Variants in HEMK2 observed in about 807,000 individuals in gnomAD.
HEMK2 encodes HemK methyltransferase 2, ETF1 glutamine and histone H4 lysine.
the HEMK2 span, among the ~76,000 whole-genome samples, chr21:28,697,638 A>G: frequency 6.6e-6 from 1 of 152,110 alleles, no homozygotes; most frequent in South Asian, 2.1e-4. Context: ...AGAAGCTGCC[A>G]CCTTCTTTCT....
At chr21:28,636,613 C>T in the HEMK2 span, among the ~76,000 whole-genome samples, 1 of 152,248 alleles carries the variant, frequency 6.6e-6, no homozygotes, top group East Asian at 1.9e-4. Flanking sequence ...CAAGTGAAAC[C>T]TGCCCAAGTT....
the HEMK2 span, among the ~76,000 whole-genome samples, chr21:28,831,455 A>AAAG: frequency 0.043 from 2,446 of 56,506 alleles, 296 homozygotes; most frequent in African/African-American, 0.073. Flanking sequence ...AAAAAGAAAG[A>AAAG]AAAGAACGAA....
the HEMK2 span, among the ~76,000 whole-genome samples, chr21:28,863,286 G>A: frequency 1.3e-5 from 2 of 151,170 alleles, no homozygotes; most frequent in African/African-American, 2.4e-5. Context: ...CTTCCTGCCC[G>A]TGAACGCGGG....
At chr21:28,871,495 G>C in the HEMK2 span, among the ~76,000 whole-genome samples, 1 of 152,100 alleles carries the variant, frequency 6.6e-6, no homozygotes, top group South Asian at 2.1e-4. Flanking sequence ...CAATACTAGG[G>C]GATTAAAATT....
chr21:28,814,143 A>G, the HEMK2 span, among the ~76,000 whole-genome samples: 1 of 152,158 alleles, frequency 6.6e-6, no homozygotes, highest in Non-Finnish European at 1.5e-5. Context: ...AGGCTGAGGC[A>G]GGAGAATATC....
At chr21:28,725,389 A>T in the HEMK2 span, among the ~76,000 whole-genome samples, 33 of 152,186 alleles carry the variant, frequency 2.2e-4, no homozygotes, top group Non-Finnish European at 5.9e-5. Context: ...AGAAAGTGAG[A>T]CTAGGAAGGG....
At chr21:28,659,570 A>G in the HEMK2 span, among the ~76,000 whole-genome samples, 65 of 152,196 alleles carry the variant, frequency 4.3e-4, no homozygotes, top group Non-Finnish European at 7.8e-4. Flanking sequence ...ATTCCCTTCC[A>G]TATTCATATA....
At chr21:28,724,045 G>A in the HEMK2 span, among the ~76,000 whole-genome samples, 1 of 152,212 alleles carries the variant, frequency 6.6e-6, no homozygotes, top group Non-Finnish European at 1.5e-5. Context: ...GAAGAAGTGA[G>A]GACAATACTT....
the HEMK2 span, among the ~76,000 whole-genome samples, chr21:28,673,655 G>T: frequency 8.0e-6 from 1 of 124,224 alleles, no homozygotes. Flanking sequence ...GGTAGTGTCA[G>T]ATTTAAATCT....
the HEMK2 span, among the ~76,000 whole-genome samples, chr21:28,584,075 C>A: frequency 1.3e-5 from 2 of 152,132 alleles, no homozygotes; most frequent in Non-Finnish European, 2.9e-5. Flanking sequence ...CAGTCCTAAC[C>A]TGTACTGAAA....
the HEMK2 span, among the ~76,000 whole-genome samples, chr21:28,775,579 G>A: frequency 6.6e-6 from 1 of 152,146 alleles, no homozygotes; most frequent in Non-Finnish European, 1.5e-5. Flanking sequence ...CTATCCAAGT[G>A]TCAGAAGAAA....
the HEMK2 span, among the ~76,000 whole-genome samples, chr21:28,876,892 G>A: frequency 1.3e-5 from 2 of 151,138 alleles, no homozygotes; most frequent in African/African-American, 4.9e-5. Flanking sequence ...CACAGTGAGA[G>A]TGAAAGAAGT....
the HEMK2 span, among the ~76,000 whole-genome samples, chr21:28,623,890 GGGTTGAT>G: frequency 6.6e-6 from 1 of 152,026 alleles, no homozygotes; most frequent in African/African-American, 2.4e-5. Context: ...TGTATATGAC[GGGTTGAT>G]GGTGCAGCAA....
At chr21:28,588,779 C>A in the HEMK2 span, among the ~76,000 whole-genome samples, 9 of 151,882 alleles carry the variant, frequency 5.9e-5, no homozygotes, top group South Asian at 4.2e-4. Flanking sequence ...GTCAGGAGAT[C>A]GAGACCATCC....
chr21:28,803,200 G>A, the HEMK2 span, among the ~76,000 whole-genome samples: 10 of 152,160 alleles, frequency 6.6e-5, no homozygotes, highest in South Asian at 2.1e-4. Flanking sequence ...CATTTCCCTC[G>A]ATTTCACATA....
At chr21:28,582,656 TGAGAG>T in the HEMK2 span, among the ~76,000 whole-genome samples, 2 of 152,254 alleles carry the variant, frequency 1.3e-5, no homozygotes, top group African/African-American at 2.4e-5. Flanking sequence ...TAGGAAAGAT[TGAGAG>T]GAAATACTAT....
At chr21:28,855,110 C>A in the HEMK2 span, among the ~76,000 whole-genome samples, 1 of 152,016 alleles carries the variant, frequency 6.6e-6, no homozygotes, top group Non-Finnish European at 1.5e-5. Flanking sequence ...ATGCTGTCTT[C>A]CAGAGACTAT....
the HEMK2 span, chr21:28,878,429 A>G: frequency 6.9e-6 from 10 of 1,450,926 alleles, no homozygotes; most frequent in East Asian, 2.3e-5. Context: ...AAAAAAGTAT[A>G]TATTTTGCAT....
At chr21:28,736,626 A>G in the HEMK2 span, among the ~76,000 whole-genome samples, 34,807 of 152,040 alleles carry the variant, frequency 0.23, 4,626 homozygotes, top group African/African-American at 0.35. Context: ...TTAGCTGGGC[A>G]TGGTGGCGCA....
Sources: gnomAD v4.1 joint callset for allele counts (sites outside exome capture counted in the v4.1 genomes callset) on GRCh38, gnomAD v4.1.1 for gene constraint, MANE v1.5 for transcripts, NCBI Gene and HGNC (gene_info 2026-07-23, HGNC 2026-07-21) for gene names.